LMX1B: variants seen among roughly 807,000 people sequenced by gnomAD.
LMX1B encodes the protein LIM homeobox transcription factor 1-beta.
A neutral mutation model predicts 51.4 loss-of-function variants in LMX1B; 12 were observed. That is an observed-to-expected ratio of 0.23 (90% CI 0.15 to 0.38). The LOEUF is 0.38. LMX1B is among the 10% of genes least tolerant of loss of function. The probability of loss-of-function intolerance (pLI) is 1.00; values close to 1 mark genes in which losing one functional copy is unlikely to be tolerated. For synonymous variants in LMX1B, 237 were observed against 235.4 expected, an observed-to-expected ratio of 1.01 and a Z score of -0.06; for missense variants, 445 against 571.1, an observed-to-expected ratio of 0.78 and a Z score of 2.25.
intron 2 of LMX1B, among the ~76,000 whole-genome samples, chr9:126,661,700 C>T (rs908820035): frequency 2.8e-4 from 42 of 152,128 alleles, no homozygotes; most frequent in East Asian, 1.9e-3. Context: ...AGTGTGGCTG[C>T]GGGGCCCGAG....
intron 2 of LMX1B, among the ~76,000 whole-genome samples, chr9:126,634,347 G>A (rs369721356): frequency 5.3e-5 from 8 of 152,294 alleles, no homozygotes; most frequent in African/African-American, 1.2e-4. Flanking sequence ...TGAAGCCAGC[G>A]TCAGTTTCAT....
rs1248225322 is a variant in LMX1B at position 126,693,515 on chromosome 9, C to T, written c.742-9C>T. Reference sequence around the variant, plus strand: ...GAGGGCCTGACCTGTTCCCCTCTCTCTGAGCCAGGTCCGAGAGACACTGGC... The same window carrying T: ...GAGGGCCTGACCTGTTCCCCTCTCTTTGAGCCAGGTCCGAGAGACACTGGC... On this transcript the variant is annotated splice_polypyrimidine_tract_variant and intron_variant, in intron 4 of 7. Coordinates refer to ENST00000373474, the MANE Select transcript of LMX1B (RefSeq NM_001174147.2). 6.2e-7 allele frequency: 1 copy of T among 1,613,900 alleles called. No homozygotes were observed. Among genetic ancestry groups the T allele is most frequent in the Non-Finnish European group, 8.5e-7 (1 of 1,179,916 alleles).
Position 126,614,404 on chromosome 9 carries a change from G to A in LMX1B, c.-46G>A, listed in dbSNP as rs1243200872. ...GCGGAGAGCGGGTGGACGGGCCGGC[G>A]GGCGAGCAGCCCGGCCGGCGGGGTC... On this transcript the variant is annotated 5_prime_UTR_variant, in exon 1 of 8. Coordinates refer to ENST00000373474, the MANE Select transcript of LMX1B (RefSeq NM_001174147.2). 14 of 1,375,008 alleles carry A rather than the reference G, an allele frequency of 1.0e-5. No homozygotes were observed. Among genetic ancestry groups the A allele is most frequent in the South Asian group, 1.7e-5 (1 of 60,150 alleles). The allele number at this position is 1,375,008 out of a possible 1,614,324, so 85.2% of individuals were successfully genotyped here.
intron 2 of LMX1B, among the ~76,000 whole-genome samples, chr9:126,679,554 G>A (rs1481609767): frequency 6.6e-6 from 1 of 152,042 alleles, no homozygotes; most frequent in Non-Finnish European, 1.5e-5. Context: ...GCAGATGAGT[G>A]GATGTATGGG....
intron 2 of LMX1B, among the ~76,000 whole-genome samples, chr9:126,675,735 T>TA (rs60919726): frequency 0.11 from 10,051 of 91,118 alleles, 1,213 homozygotes; most frequent in African/African-American, 0.33. Flanking sequence ...AAAAAAAAAT[T>TA]AAAAAAAAAA....
At chr9:126,621,696 T>C (rs894981081) in intron 2 of LMX1B, among the ~76,000 whole-genome samples, 7 of 147,480 alleles carry the variant, frequency 4.7e-5, no homozygotes, top group African/African-American at 1.7e-4. Context: ...TAAATGTTTA[T>C]TTGTTGATAA....
intron 2 of LMX1B, among the ~76,000 whole-genome samples, chr9:126,619,445 C>T (rs1336060664): frequency 2.0e-5 from 3 of 152,192 alleles, no homozygotes; most frequent in African/African-American, 7.2e-5. Context: ...CAGTGTGTAC[C>T]CCAACCAGCG....
In LMX1B at chr9:126,614,555, C is replaced by T. The variant is rs1835263173; in HGVS notation, c.106C>T (p.Arg36Cys). ...CATCAAGATGGAGGAGCACGCCCTG[C>T]GCCCCGGGCCCGCCACTCTGGGGGT... Reference protein sequence around the residue: ...DGIKMEEHALRPGPATLGVLL... With the variant: ...DGIKMEEHALCPGPATLGVLL... Residue 36 changes from arginine (R) to cysteine (C), a missense_variant, in exon 1 of 8, where the codon CGC becomes TGC. Around this residue, in one of 3 missense-constraint regions of LMX1B, gnomAD observed 273 missense variants for 343.3 expected, o/e 0.80. Coordinates refer to ENST00000373474, the MANE Select transcript of LMX1B (RefSeq NM_001174147.2). 2 of 1,568,568 alleles carry T rather than the reference C, an allele frequency of 1.3e-6. No individual in the cohort carries two copies. Among genetic ancestry groups the T allele is most frequent in the Non-Finnish European group, 8.6e-7 (1 of 1,159,164 alleles).
chr9:126,673,462 A>C lies in LMX1B; in HGVS notation c.327-17374A>C, dbSNP rs1836497361. Among the ~76,000 whole-genome samples the C allele has an allele frequency of 1.3e-5, 2 of 152,204 alleles. No homozygotes were observed. Among genetic ancestry groups the C allele is most frequent in the South Asian group, 4.2e-4 (2 of 4,812 alleles). On this transcript the variant is annotated intron_variant, in intron 2 of 7. Coordinates refer to ENST00000373474, the MANE Select transcript of LMX1B (RefSeq NM_001174147.2). The surrounding 1 kb of genome is among the most constrained non-coding windows in gnomAD (Gnocchi z 4.4). ...CAGGGACCAGTGTAGAAAGAGGCTAACCCAGGGCTCCCTCAGGTAGGGCAG... is the reference window on the plus strand; with the variant it reads ...CAGGGACCAGTGTAGAAAGAGGCTACCCCAGGGCTCCCTCAGGTAGGGCAG...
At chr9:126,647,959 C>T (rs889691428) in intron 2 of LMX1B, among the ~76,000 whole-genome samples, 9 of 152,252 alleles carry the variant, frequency 5.9e-5, no homozygotes, top group African/African-American at 1.7e-4. Flanking sequence ...AGGGAGCTGC[C>T]GTCTGTGCCC....
intron 2 of LMX1B, among the ~76,000 whole-genome samples, chr9:126,663,509 G>A (rs904804926): frequency 9.2e-5 from 14 of 152,024 alleles, no homozygotes; most frequent in African/African-American, 2.7e-4. Context: ...CCACAGTTGT[G>A]TGACCTTGGC....
chr9:126,622,420 G>A (rs928206269), intron 2 of LMX1B, among the ~76,000 whole-genome samples: 2 of 152,160 alleles, frequency 1.3e-5, no homozygotes, highest in African/African-American at 4.8e-5. Flanking sequence ...ACTGGGGCTG[G>A]CAGGAATGAG....
rs1181757390 is a variant in LMX1B, at chr9:126,693,053, C to A, written c.560-89C>A. On this transcript the variant is annotated intron_variant, in intron 3 of 7. Transcript: ENST00000373474. ...AGGTGTCAACAGAGGGGACAGGCTC[C>A]CATCGGGCAGCAGGTTGCCGAAGGG... 2.2e-6 allele frequency: 3 copies of A among 1,363,756 alleles called. No individual in the cohort carries two copies. In the African/African-American group the frequency reaches 4.3e-5, roughly 20 times the overall value. The allele number at this position is 1,363,756 out of a possible 1,614,324, so 84.5% of individuals were successfully genotyped here. A position where few individuals can be genotyped will look rare whatever the true frequency, so the allele number is the denominator to read the frequency against.
chr9:126,627,424 ACT>A (rs1305994713), intron 2 of LMX1B, among the ~76,000 whole-genome samples: 1 of 150,714 alleles, frequency 6.6e-6, no homozygotes, highest in East Asian at 2.0e-4. Flanking sequence ...ACTTTGAGGG[ACT>A]CTTCCATTTT....
At chr9:126,622,600 C>T (rs1039663009) in intron 2 of LMX1B, among the ~76,000 whole-genome samples, 1 of 152,222 alleles carries the variant, frequency 6.6e-6, no homozygotes, top group Non-Finnish European at 1.5e-5. Flanking sequence ...GCTGTTCCCC[C>T]TTCTCCCGCC....
rs995210354 is a variant in LMX1B, at chr9:126,696,278, C to T, written c.1052-16C>T. On this transcript the variant is annotated splice_polypyrimidine_tract_variant and intron_variant, in intron 7 of 7. Coordinates refer to ENST00000373474, the MANE Select transcript of LMX1B (RefSeq NM_001174147.2). ...CCAGCCTGTACCCCGGTCCTGACAC[C>T]CCTTCTGCCCCCCAGGGAACGACTC... 6.2e-7 allele frequency: 1 copy of T among 1,613,676 alleles called. No individual in the cohort carries two copies. The highest frequency in any genetic ancestry group is 8.5e-7 in the Non-Finnish European group (1 of 1,179,760).
At chr9:126,662,925 C>T (rs1010443457) in intron 2 of LMX1B, among the ~76,000 whole-genome samples, 4 of 152,170 alleles carry the variant, frequency 2.6e-5, no homozygotes, top group Admixed American at 2.0e-4. Flanking sequence ...CAGGACTACC[C>T]GTCAGGAAGA....
At chr9:126,621,582 C>T (rs1835409888) in intron 2 of LMX1B, among the ~76,000 whole-genome samples, 1 of 151,178 alleles carries the variant, frequency 6.6e-6, no homozygotes. Context: ...TAAATGTCTC[C>T]TGTCATTTGA....
chr9:126,659,186 G>T (rs1042831295), intron 2 of LMX1B, among the ~76,000 whole-genome samples: 2 of 152,226 alleles, frequency 1.3e-5, no homozygotes, highest in Non-Finnish European at 2.9e-5. Context: ...TTCCCCCATA[G>T]AGAGTGACAG....
Sources: allele counts gnomAD v4.1 joint callset (sites outside exome capture counted in the v4.1 genomes callset), GRCh38; gene constraint gnomAD v4.1.1; regional missense constraint gnomAD v4.1.1; non-coding constraint Gnocchi (gnomAD v3.1); transcripts MANE v1.5; gene names NCBI Gene and HGNC (gene_info 2026-07-23, HGNC 2026-07-21).